PLAAT1: variants seen among roughly 807,000 people sequenced by gnomAD.
PLAAT1 encodes the protein phospholipase A and acyltransferase 1.
In PLAAT1, 13 loss-of-function variants were observed where a neutral mutation model predicts 16.4. The ratio of observed to expected loss-of-function variants is 0.79; its 90% confidence interval spans 0.52 to 1.26. The LOEUF (loss-of-function observed/expected upper bound fraction) is 1.26, where lower values mean the gene tolerates loss of function less well. Among genes scored for constraint, PLAAT1 ranks in the 50% most tolerant of loss-of-function variants. The probability of loss-of-function intolerance (pLI) is 0.00; values close to 1 mark genes in which losing one functional copy is unlikely to be tolerated. For synonymous variants in PLAAT1, 73 were observed against 78.4 expected (o/e 0.93, Z 0.36); for missense variants, 218 against 207.8 (o/e 1.05, Z -0.30).
At chr3:193,276,587 T>TC (rs1717213548) in intron 2 of PLAAT1, among the ~76,000 whole-genome samples, 1 of 152,100 alleles carries the variant, frequency 6.6e-6, no homozygotes, top group African/African-American at 2.4e-5. Context: ...TTTAAATCAT[T>TC]CCCCCCAAAA....
chr3:193,264,224 T>A (rs375766162), intron 3 of PLAAT1, among the ~76,000 whole-genome samples: 1 of 152,190 alleles, frequency 6.6e-6, no homozygotes, highest in South Asian at 2.1e-4. Context: ...GAGGTTATAA[T>A]TCTTCTCACA....
intron 1 of PLAAT1, among the ~76,000 whole-genome samples, chr3:193,244,906 G>A (rs757177531): frequency 6.6e-6 from 1 of 152,140 alleles, no homozygotes; most frequent in Non-Finnish European, 1.5e-5. Context: ...GAGCTCTCCT[G>A]ATCCAACCAC....
At chr3:193,242,539 G>A (rs2108774577) in intron 1 of PLAAT1, among the ~76,000 whole-genome samples, 1 of 152,292 alleles carries the variant, frequency 6.6e-6, no homozygotes, top group Non-Finnish European at 1.5e-5. Flanking sequence ...ATAATGGATA[G>A]TTTGATTTGC....
downstream of PLAAT1, among the ~76,000 whole-genome samples, chr3:193,273,631 T>C (rs905962356): frequency 6.6e-6 from 1 of 152,202 alleles, no homozygotes; most frequent in African/African-American, 2.4e-5. Flanking sequence ...GTCTGTTAAA[T>C]TAGCAAAATC....
chr3:193,241,100 C>A, upstream of PLAAT1: 1 of 750,772 alleles, frequency 1.3e-6, no homozygotes, highest in Non-Finnish European at 1.7e-6. Context: ...CGTCGGGGCG[C>A]GAGAAGGTGC....
chr3:193,253,566 G>A (rs1202755424), intron 1 of PLAAT1, among the ~76,000 whole-genome samples: 1 of 152,044 alleles, frequency 6.6e-6, no homozygotes, highest in Admixed American at 6.6e-5. Context: ...AGGGTTACTT[G>A]CAGCAGCTTT....
chr3:193,251,314 G>C (rs139249040), intron 1 of PLAAT1, among the ~76,000 whole-genome samples: 1 of 152,158 alleles, frequency 6.6e-6, no homozygotes, highest in African/African-American at 2.4e-5. Flanking sequence ...AAGAAGGTGG[G>C]AATGTTGTCC....
At chr3:193,278,800 C>T (rs1359114036), downstream of PLAAT1, among the ~76,000 whole-genome samples, 2 of 152,148 alleles carry the variant, frequency 1.3e-5, no homozygotes, top group Admixed American at 6.5e-5. Context: ...ATCTTCACAA[C>T]AAATCTATGA....
downstream of PLAAT1, chr3:193,270,872 AT>A (rs1274987003): frequency 3.2e-5 from 42 of 1,302,120 alleles, no homozygotes; most frequent in Non-Finnish European, 3.9e-5. Flanking sequence ...AGCCAATGAA[AT>A]TTTTTTCCCC....
chr3:193,270,490 T>A, intron 3 of PLAAT1, 114 bp from the exon 4 acceptor site: 1 of 760,144 alleles, frequency 1.3e-6, no homozygotes, highest in Non-Finnish European at 2.1e-6. Context: ...TTTAGATGTA[T>A]CCATTGTACA....
downstream of PLAAT1, among the ~76,000 whole-genome samples, chr3:193,272,729 G>A (rs918968574): frequency 6.6e-6 from 1 of 152,192 alleles, no homozygotes. Flanking sequence ...GCTAGATAAT[G>A]TCATAAATGC....
At chr3:193,271,220 T>G (rs1165104725), downstream of PLAAT1, among the ~76,000 whole-genome samples, 1 of 152,090 alleles carries the variant, frequency 6.6e-6, no homozygotes. Flanking sequence ...ATCTTCTTCC[T>G]GCCTGTGTAG....
At chr3:193,240,982 G>C (rs1050321440), upstream of PLAAT1, 13 of 350,584 alleles carry the variant, frequency 3.7e-5, no homozygotes, top group Non-Finnish European at 5.6e-5. Context: ...TTGGCTGCGG[G>C]AACGTCCGAG....
chr3:193,245,017 A>T (rs1715926821), intron 1 of PLAAT1, among the ~76,000 whole-genome samples: 1 of 152,194 alleles, frequency 6.6e-6, no homozygotes. Context: ...GCACATATAC[A>T]TCATCTCACC....
intron 1 of PLAAT1, among the ~76,000 whole-genome samples, chr3:193,243,148 T>A (rs993047060): frequency 2.0e-5 from 3 of 152,266 alleles, no homozygotes; most frequent in African/African-American, 7.2e-5. Flanking sequence ...TTCATGCCAC[T>A]CTTTATTATA....
chr3:193,276,966 T>C (rs985641115), intron 2 of PLAAT1: 2 of 663,658 alleles, frequency 3.0e-6, no homozygotes. Flanking sequence ...CCTTTACAGA[T>C]AATACAACTG....
intron 3 of PLAAT1, among the ~76,000 whole-genome samples, chr3:193,266,621 T>C (rs1716785625): frequency 6.6e-6 from 1 of 152,154 alleles, no homozygotes; most frequent in Admixed American, 6.5e-5. Context: ...ACCCACTGTT[T>C]ATCAGTCTTC....
intron 1 of PLAAT1, among the ~76,000 whole-genome samples, chr3:193,244,343 C>T (rs1715895747): frequency 6.6e-6 from 1 of 152,134 alleles, no homozygotes; most frequent in South Asian, 2.1e-4. Flanking sequence ...GCTACACATT[C>T]CCACCAGCAG....
upstream of PLAAT1, chr3:193,241,137 CGGG>C (rs1715714768): frequency 1.1e-6 from 1 of 945,072 alleles, no homozygotes; most frequent in Non-Finnish European, 1.3e-6. Flanking sequence ...GGCGGGCGGG[CGGG>C]CGAAGCTGGG....
Sources: allele counts gnomAD v4.1 joint callset (sites outside exome capture counted in the v4.1 genomes callset), GRCh38; gene constraint gnomAD v4.1.1; transcripts MANE v1.5; gene names NCBI Gene and HGNC (gene_info 2026-07-23, HGNC 2026-07-21).